The following NTNG1 variants were observed in gnomAD, a reference collection of about 807,000 sequenced individuals.
The protein encoded by NTNG1 is netrin-G1.
In NTNG1, 16 loss-of-function variants were observed where a neutral mutation model predicts 54.0. The ratio of observed to expected loss-of-function variants is 0.30; its 90% confidence interval spans 0.20 to 0.45. The LOEUF is 0.45. Ranked by LOEUF, NTNG1 falls within the 20% of genes least tolerant of loss-of-function variation. The pLI is 1.00. For synonymous variants in NTNG1, 255 were observed against 263.1 expected (o/e 0.97, Z 0.30); for missense variants, 530 against 678.7 (o/e 0.78, Z 2.43).
chr1:107,472,857 C>T (rs1678072284), intron 7 of NTNG1, among the ~76,000 whole-genome samples: 1 of 152,072 alleles, frequency 6.6e-6, no homozygotes, highest in Non-Finnish European at 1.5e-5. Context: ...CAGGAGCTAA[C>T]CTGTAGGTTC....
intron 5 of NTNG1, among the ~76,000 whole-genome samples, chr1:107,422,997 C>A (rs1674667626): frequency 6.6e-6 from 1 of 151,982 alleles, no homozygotes. Context: ...TCTTGATTTC[C>A]TGGAAATCTC....
intron 5 of NTNG1, among the ~76,000 whole-genome samples, chr1:107,411,385 A>G (rs1673796582): frequency 6.6e-6 from 1 of 152,190 alleles, no homozygotes; most frequent in Non-Finnish European, 1.5e-5. Context: ...AAGCCCAGAG[A>G]TGTTTTCATA....
chr1:107,432,542 A>T (rs1675338521), intron 6 of NTNG1, among the ~76,000 whole-genome samples: 1 of 152,162 alleles, frequency 6.6e-6, no homozygotes, highest in Admixed American at 6.5e-5. Flanking sequence ...GGTTACAAAG[A>T]TTTGAGGATA....
intron 7 of NTNG1, among the ~76,000 whole-genome samples, chr1:107,469,989 G>A (rs939507542): frequency 6.6e-6 from 1 of 152,124 alleles, no homozygotes; most frequent in Non-Finnish European, 1.5e-5. Context: ...CACTCATTTA[G>A]CACCAGTCTC....
At chr1:107,195,829 T>G (rs1433217554) in intron 2 of NTNG1, among the ~76,000 whole-genome samples, 1 of 152,024 alleles carries the variant, frequency 6.6e-6, no homozygotes, top group Non-Finnish European at 1.5e-5. Context: ...TATTTTCTTC[T>G]TGGTAAATCC....
At chr1:107,225,938 C>CTATGTGCCCAG (rs1553204927) in intron 2 of NTNG1, among the ~76,000 whole-genome samples, 1 of 152,110 alleles carries the variant, frequency 6.6e-6, no homozygotes, top group Non-Finnish European at 1.5e-5. Flanking sequence ...GGCACAGGTT[C>CTATGTGCCCAG]TATGTGCCCA....
chr1:107,235,167 A>G (rs1272724266), intron 2 of NTNG1, among the ~76,000 whole-genome samples: 5 of 152,172 alleles, frequency 3.3e-5, no homozygotes, highest in Admixed American at 2.0e-4. Flanking sequence ...TCTGATTTCA[A>G]AGGGCATGCT....
chr1:107,412,721 G>A (rs1673910065), intron 5 of NTNG1, among the ~76,000 whole-genome samples: 1 of 152,112 alleles, frequency 6.6e-6, no homozygotes, highest in Non-Finnish European at 1.5e-5. Context: ...CAGGGATGGA[G>A]GACTGTGACC....
At chr1:107,426,658 C>T (rs2101289760) in intron 5 of NTNG1, among the ~76,000 whole-genome samples, 1 of 151,432 alleles carries the variant, frequency 6.6e-6, no homozygotes, top group South Asian at 2.1e-4. Flanking sequence ...GCTATTTGGG[C>T]TTTTTTTGGG....
intron 3 of NTNG1, among the ~76,000 whole-genome samples, chr1:107,384,548 C>G (rs553296553): frequency 6.6e-6 from 1 of 152,284 alleles, no homozygotes; most frequent in Admixed American, 6.5e-5. Flanking sequence ...GTCTATTTCT[C>G]TGTTTATTTG....
At chr1:107,312,189 T>C (rs75514549) in intron 2 of NTNG1, among the ~76,000 whole-genome samples, 6,052 of 152,180 alleles carry the variant, frequency 0.04, 142 homozygotes, top group Non-Finnish European at 0.046. Context: ...ACGAAGGCAA[T>C]GGCAATATGA....
At chr1:107,475,177 A>G (rs955378604) in intron 7 of NTNG1, among the ~76,000 whole-genome samples, 1 of 152,192 alleles carries the variant, frequency 6.6e-6, no homozygotes, top group Non-Finnish European at 1.5e-5. Context: ...CTGACTATCT[A>G]TAGAAGAGTT....
intron 3 of NTNG1, among the ~76,000 whole-genome samples, chr1:107,328,467 A>T (rs777282435): frequency 7.2e-5 from 11 of 152,266 alleles, no homozygotes; most frequent in Middle Eastern, 3.4e-3. Flanking sequence ...ATGGCCAAAA[A>T]GGTCATCTAA....
At chr1:107,310,192 A>C (rs1050891174) in intron 2 of NTNG1, among the ~76,000 whole-genome samples, 4 of 152,146 alleles carry the variant, frequency 2.6e-5, no homozygotes, top group Non-Finnish European at 4.4e-5. Context: ...TTTCATAATG[A>C]CTTTCTGACT....
At chr1:107,356,985 A>G (rs1047616055) in intron 3 of NTNG1, among the ~76,000 whole-genome samples, 1 of 152,200 alleles carries the variant, frequency 6.6e-6, no homozygotes, top group Non-Finnish European at 1.5e-5. Context: ...CCTGGGCAAC[A>G]AGGTGAGACT....
chr1:107,329,540 G>A (rs1668158488), intron 3 of NTNG1, among the ~76,000 whole-genome samples: 1 of 152,056 alleles, frequency 6.6e-6, no homozygotes, highest in African/African-American at 2.4e-5. Context: ...TAAATTTCTG[G>A]AAAAATCAGT....
At chr1:107,472,941 C>A (rs1157360119) in intron 7 of NTNG1, among the ~76,000 whole-genome samples, 1 of 152,178 alleles carries the variant, frequency 6.6e-6, no homozygotes, top group Non-Finnish European at 1.5e-5. Context: ...AATCACAGCT[C>A]TTCAACTCCC....
rs1279306430 is a variant in NTNG1, at chr1:107,324,940, T to A, written c.887+18T>A. ...CGAGGAAGGTAAGAGAAAATCTGTC[T>A]GCCTTCAATGGGAACGGGTGTGTCC... On this transcript the variant is annotated intron_variant, in intron 3 of 7. Transcript: ENST00000370068. 1 of 1,594,046 alleles carries A rather than the reference T, an allele frequency of 6.3e-7. No individual in the cohort carries two copies. The highest frequency in any genetic ancestry group is 1.3e-5 in the African/African-American group (1 of 74,390).
Position 107,297,126 on chromosome 1 carries a change from T to C in NTNG1, c.247-27156T>C, listed in dbSNP as rs199998282. Among the ~76,000 whole-genome samples, 261 of 144,002 alleles carry C rather than the reference T, an allele frequency of 1.8e-3. 1 individual carries two copies. The highest frequency in any genetic ancestry group is 0.012 in the East Asian group (62 of 4,994). 94.5% of individuals were successfully genotyped at this position (144,002 alleles called of 152,430 possible). On this transcript the variant is annotated intron_variant, in intron 2 of 7. Coordinates refer to ENST00000370068, the MANE Select transcript of NTNG1 (RefSeq NM_001113226.3). Reference sequence around the variant, plus strand: ...ACACACACACACACAAACACACACATATATATATATAACATCATATATATA... The same window carrying C: ...ACACACACACACACAAACACACACACATATATATATAACATCATATATATA...
Sources: gnomAD v4.1 joint callset for allele counts (sites outside exome capture counted in the v4.1 genomes callset) on GRCh38, gnomAD v4.1.1 for gene constraint, MANE v1.5 for transcripts, NCBI Gene and HGNC (gene_info 2026-07-23, HGNC 2026-07-21) for gene names.